The following CD2AP variants were observed in gnomAD, a reference collection of about 807,000 sequenced individuals.
CD2AP encodes the protein CD2-associated protein.
Under a neutral mutation model 85.1 loss-of-function variants are expected in CD2AP, and 46 were observed. The observed-to-expected ratio is 0.54, with a 90% confidence interval of 0.43 to 0.69. The LOEUF is 0.69. Among genes scored for constraint, CD2AP ranks in the 30% least tolerant of loss-of-function variants. The pLI is 0.00. For missense variants in CD2AP, 769 were observed against 729.5 expected (o/e 1.05, Z -0.62); for synonymous variants, 255 against 252.9 (o/e 1.01, Z -0.08).
intron 2 of CD2AP, among the ~76,000 whole-genome samples, chr6:47,505,011 C>CTTTTTTTTTTTTTTTTTTTT (rs58060161): frequency 5.7e-4 from 54 of 95,112 alleles, no homozygotes; most frequent in East Asian, 1.2e-3. Flanking sequence ...GTGGCAGTTT[C>CTTTTTTTTTTTTTTTTTTTT]TTTTTTTTTT....
At chr6:47,488,909 A>G (rs1765648067) in intron 1 of CD2AP, among the ~76,000 whole-genome samples, 1 of 152,096 alleles carries the variant, frequency 6.6e-6, no homozygotes, top group Admixed American at 6.5e-5. Flanking sequence ...TTAATAATTT[A>G]GGTTTTTGTT....
At chr6:47,483,723 T>C (rs1445570034) in intron 1 of CD2AP, among the ~76,000 whole-genome samples, 1 of 151,892 alleles carries the variant, frequency 6.6e-6, no homozygotes. Context: ...CTCTAAGTGC[T>C]GCAGGATATT....
chr6:47,553,356 T>C (rs1767578481), intron 4 of CD2AP, among the ~76,000 whole-genome samples: 1 of 151,604 alleles, frequency 6.6e-6, no homozygotes, highest in Admixed American at 6.6e-5. Context: ...ATTTTGTTTT[T>C]TTTTTTTTGA....
intron 2 of CD2AP, among the ~76,000 whole-genome samples, chr6:47,530,024 C>T (rs77812089): frequency 0.016 from 2,372 of 152,284 alleles, 43 homozygotes; most frequent in African/African-American, 0.038. Context: ...CTTCCTATTG[C>T]CTTCTCTGTA....
intron 17 of CD2AP, among the ~76,000 whole-genome samples, chr6:47,615,136 A>G (rs1215401162): frequency 2.0e-5 from 3 of 152,160 alleles, no homozygotes; most frequent in Non-Finnish European, 4.4e-5. Context: ...TTTGTAGAAC[A>G]AGAGAGAATT....
intron 1 of CD2AP, among the ~76,000 whole-genome samples, chr6:47,500,892 C>T (rs754503496): frequency 1.9e-4 from 29 of 152,070 alleles, no homozygotes; most frequent in Non-Finnish European, 3.1e-4. Context: ...GGACTACAGG[C>T]GCCTGCCACC....
chr6:47,555,421 G>A (rs564058221), intron 5 of CD2AP, among the ~76,000 whole-genome samples: 9 of 152,018 alleles, frequency 5.9e-5, no homozygotes, highest in African/African-American at 1.7e-4. Flanking sequence ...TGTTTTTCTC[G>A]ATGGAAATGT....
At chr6:47,611,449 TCTTTA>T (rs1433169023) in intron 16 of CD2AP, among the ~76,000 whole-genome samples, 1 of 151,888 alleles carries the variant, frequency 6.6e-6, no homozygotes, top group African/African-American at 2.4e-5. Context: ...ATATTTTATT[TCTTTA>T]CTTGGAGTTC....
At chr6:47,495,599 G>A (rs141918071) in intron 1 of CD2AP, among the ~76,000 whole-genome samples, 6 of 152,274 alleles carry the variant, frequency 3.9e-5, no homozygotes, top group African/African-American at 1.4e-4. Context: ...GATCTCGTCC[G>A]TGACTCTCTG....
chr6:47,614,329 G>C (rs1769525731), intron 17 of CD2AP, among the ~76,000 whole-genome samples: 1 of 152,106 alleles, frequency 6.6e-6, no homozygotes, highest in Non-Finnish European at 1.5e-5. Context: ...AGAGGGATGT[G>C]ATTATTTCTT....
chr6:47,541,510 AC>A (rs2114039646), intron 3 of CD2AP, among the ~76,000 whole-genome samples: 1 of 152,200 alleles, frequency 6.6e-6, no homozygotes, highest in South Asian at 2.1e-4. Flanking sequence ...AGGGGAAAAA[AC>A]CTTACACAGA....
At chr6:47,499,313 G>GTT (rs775209266) in intron 1 of CD2AP, among the ~76,000 whole-genome samples, 27 of 151,812 alleles carry the variant, frequency 1.8e-4, no homozygotes, top group Middle Eastern at 3.4e-3. Context: ...GTGCATGTGT[G>GTT]TGTGTGTGTG....
intron 2 of CD2AP, among the ~76,000 whole-genome samples, chr6:47,528,805 A>C (rs1179665521): frequency 1.3e-5 from 2 of 152,198 alleles, no homozygotes; most frequent in African/African-American, 4.8e-5. Flanking sequence ...TCTAGGAGAG[A>C]TCACAGAGAT....
intron 1 of CD2AP, among the ~76,000 whole-genome samples, chr6:47,502,066 G>T (rs1012968277): frequency 6.6e-5 from 10 of 152,100 alleles, no homozygotes; most frequent in African/African-American, 2.4e-4. Context: ...ACTGGGGAAG[G>T]GTCTGCTTCC....
Position 47,582,017 on chromosome 6 carries a change from C to T in CD2AP, c.1060C>T (p.Leu354=). The stretch of plus-strand genomic sequence containing the variant: ...TTTTCCCATAGCTCCAAAGCCTGAA[C>T]TGATAGCTGCAGAGAAGAAATATTT... The part of the protein sequence containing the change: ...PAKAPAPKPE[L]IAAEKKYFSL... Residue 354 remains leucine (L), a synonymous_variant, in exon 11 of 18, where the codon CTG becomes TTG. Transcript: ENST00000359314. 3 of 1,606,804 alleles carry T rather than the reference C, an allele frequency of 1.9e-6. No homozygotes were observed. In the South Asian group the frequency reaches 3.3e-5, roughly 18 times the overall value.
chr6:47,566,954 A>G (rs187034265), intron 5 of CD2AP, among the ~76,000 whole-genome samples: 295 of 152,338 alleles, frequency 1.9e-3, no homozygotes, highest in Non-Finnish European at 3.3e-3. Context: ...TCTTTATAGT[A>G]GAATAAATCC....
chr6:47,597,615 A>G (rs1376417758), intron 12 of CD2AP, among the ~76,000 whole-genome samples: 3 of 150,836 alleles, frequency 2.0e-5, no homozygotes, highest in Non-Finnish European at 4.5e-5. Flanking sequence ...ACTTGACTTG[A>G]GATTAGAAGT....
rs1489596966 is a variant in CD2AP, at chr6:47,606,276, C to CA, written c.1529_1530insA (p.Pro511SerfsTer24). 1 of 1,535,138 alleles carries CA rather than the reference C, an allele frequency of 6.5e-7. No individual in the cohort carries two copies. On this transcript the variant is annotated frameshift_variant and splice_region_variant, in exon 14 of 18. Transcript: ENST00000359314. LOFTEE classifies it high-confidence loss of function. ...CCGGGCCGTTTCAATGGTGGACATTCTGTGAGTTCATCTAATTGTCGTAAA... is the reference window on the plus strand; with the variant it reads ...CCGGGCCGTTTCAATGGTGGACATTCATGTGAGTTCATCTAATTGTCGTAAA...
At chr6:47,611,095 AC>A (rs1225293793) in intron 16 of CD2AP, among the ~76,000 whole-genome samples, 1 of 148,952 alleles carries the variant, frequency 6.7e-6, no homozygotes, top group Non-Finnish European at 1.5e-5. Context: ...TATCTAAAAA[AC>A]TTGCATCAGC....
Sources: allele counts gnomAD v4.1 joint callset (sites outside exome capture counted in the v4.1 genomes callset), GRCh38; gene constraint gnomAD v4.1.1; transcripts MANE v1.5; gene names NCBI Gene and HGNC (gene_info 2026-07-23, HGNC 2026-07-21).